KCNQ2: variants seen among roughly 807,000 people sequenced by gnomAD.
The protein encoded by KCNQ2 is potassium voltage-gated channel subfamily KQT member 2.
A neutral mutation model predicts 84.8 loss-of-function variants in KCNQ2; 14 were observed. The ratio of observed to expected loss-of-function variants is 0.17; its 90% confidence interval spans 0.11 to 0.26. The LOEUF is 0.26. KCNQ2 is among the 10% of genes least tolerant of loss of function. The pLI is 1.00. For missense variants in KCNQ2, 788 were observed against 1,254.0 expected, an observed-to-expected ratio of 0.63 and a Z score of 5.61; for synonymous variants, 599 against 554.1, an observed-to-expected ratio of 1.08 and a Z score of -1.14.
chr20:63,412,822 G>A (rs532805788), intron 15 of KCNQ2, among the ~76,000 whole-genome samples: 11 of 152,220 alleles, frequency 7.2e-5, no homozygotes, highest in African/African-American at 1.7e-4. Context: ...CTCAACAGCC[G>A]TGTGTCCCCA....
Position 63,403,175 on chromosome 20 carries a change from C to A in KCNQ2, c.*3469G>T, listed in dbSNP as rs1378700343. Reference sequence around the variant, plus strand: ...CAGGCTGTGGGAGGGAAGGGCAGCACGAGACCCTGATTGGGCTCTGCCTGG... The same window carrying A: ...CAGGCTGTGGGAGGGAAGGGCAGCAAGAGACCCTGATTGGGCTCTGCCTGG... On this transcript the variant is annotated 3_prime_UTR_variant, in exon 17 of 17. Coordinates refer to ENST00000359125, the MANE Select transcript of KCNQ2 (RefSeq NM_172107.4). The A allele has an allele frequency of 6.6e-6, 1 of 152,362 alleles. No homozygotes were observed. The allele number at this position is 152,362 out of a possible 1,614,324, so 9.4% of individuals were successfully genotyped here.
In KCNQ2 at chr20:63,460,575, C is replaced by T. The variant is rs1261539481; in HGVS notation, c.296+11593G>A. Among the ~76,000 whole-genome samples the T allele has an allele frequency of 9.2e-5, 14 of 152,118 alleles. No homozygotes were observed. Among genetic ancestry groups the T allele is most frequent in the Non-Finnish European group, 1.8e-4 (12 of 68,014 alleles). On this transcript the variant is annotated intron_variant, in intron 1 of 16. Coordinates refer to ENST00000359125, the MANE Select transcript of KCNQ2 (RefSeq NM_172107.4). The surrounding 1 kb of genome is among the most constrained non-coding windows in gnomAD (Gnocchi z 5.4). ...AAACGTCCTAGTGAGTGCTCTCTCT[C>T]GGCCTCCACTTGCACACCTCCGGCG...
rs995305162 is a variant in KCNQ2, at chr20:63,460,450, C to A, written c.296+11718G>T. ...GACCGAGGCTCCCAGCAGGCCTTCC[C>A]CCCCACAGCCCCCTGAGACAGCCAC... is the stretch of plus-strand genomic sequence containing the variant. On this transcript the variant is annotated intron_variant, in intron 1 of 16. Coordinates refer to ENST00000359125, the MANE Select transcript of KCNQ2 (RefSeq NM_172107.4). The surrounding 1 kb of genome is among the most constrained non-coding windows in gnomAD (Gnocchi z 5.4). 6.6e-6 allele frequency among the ~76,000 whole-genome samples: 1 copy of A among 152,036 alleles called. No individual in the cohort carries two copies. The highest frequency in any genetic ancestry group is 1.5e-5 in the Non-Finnish European group (1 of 67,984).
intron 1 of KCNQ2, among the ~76,000 whole-genome samples, chr20:63,465,905 CGT>C (rs1600863555): frequency 6.6e-6 from 1 of 152,218 alleles, no homozygotes; most frequent in African/African-American, 2.4e-5. Flanking sequence ...TGGCTGGGCG[CGT>C]GTCGGTGCTG....
intron 4 of KCNQ2, among the ~76,000 whole-genome samples, chr20:63,443,090 T>C (rs1329721412): frequency 7.9e-4 from 9 of 11,348 alleles, no homozygotes; most frequent in Non-Finnish European, 1.0e-3. Context: ...ACCACCATTA[T>C]CACCACCATC....
intron 1 of KCNQ2, among the ~76,000 whole-genome samples, chr20:63,461,696 GAGGAGGAGGCTGTACCTACCCCGGGC>G (rs2081951373): frequency 6.7e-6 from 1 of 149,690 alleles, no homozygotes; most frequent in Non-Finnish European, 1.5e-5. Flanking sequence ...GGGCAGCAGG[GAGGAGGAGGCTGTACCTACCCCGGGC>G]AGCAGGCAGG....
At chr20:63,468,335 G>C (rs911175341) in intron 1 of KCNQ2, among the ~76,000 whole-genome samples, 1 of 152,174 alleles carries the variant, frequency 6.6e-6, no homozygotes. Flanking sequence ...CCCTGGTCCT[G>C]CCAGGGCCCC....
intron 1 of KCNQ2, among the ~76,000 whole-genome samples, chr20:63,453,525 G>A (rs1271371255): frequency 6.6e-6 from 1 of 152,246 alleles, no homozygotes; most frequent in Non-Finnish European, 1.5e-5. Context: ...TGAACTCTCA[G>A]CGGGGTAGGA....
At chr20:63,461,684 C>T (rs1266154024) in intron 1 of KCNQ2, among the ~76,000 whole-genome samples, 2 of 150,870 alleles carry the variant, frequency 1.3e-5, no homozygotes, top group Non-Finnish European at 1.5e-5. Context: ...TGCACCTACC[C>T]CGGGCAGCAG....
At chr20:63,458,143 G>A (rs1207601098) in intron 1 of KCNQ2, among the ~76,000 whole-genome samples, 1 of 151,882 alleles carries the variant, frequency 6.6e-6, no homozygotes, top group Non-Finnish European at 1.5e-5. Flanking sequence ...GGGTCCCCTG[G>A]ACTTTACTCT....
intron 8 of KCNQ2, among the ~76,000 whole-genome samples, chr20:63,431,759 G>A (rs890687165): frequency 6.6e-6 from 1 of 152,180 alleles, no homozygotes; most frequent in Non-Finnish European, 1.5e-5. Context: ...ACTGCCGCGG[G>A]TCTGTCCACC....
chr20:63,406,275 G>T lies in KCNQ2; in HGVS notation c.*369C>A. 12 of 253,890 alleles carry T rather than the reference G, an allele frequency of 4.7e-5. 1 individual carries two copies. In the South Asian group the frequency reaches 7.4e-4, roughly 16 times the overall value. 15.7% of individuals were successfully genotyped at this position (253,890 alleles called of 1,614,324 possible). ...GGCCTGCCCTTTGTGCCTCCCCTGG[G>T]CTCGGCTGAGACAACCCCCCGCCTG... On this transcript the variant is annotated 3_prime_UTR_variant, in exon 17 of 17. Coordinates refer to ENST00000359125, the MANE Select transcript of KCNQ2 (RefSeq NM_172107.4).
At chr20:63,452,231 C>G (rs2081635000) in intron 1 of KCNQ2, among the ~76,000 whole-genome samples, 1 of 152,248 alleles carries the variant, frequency 6.6e-6, no homozygotes, top group Admixed American at 6.5e-5. Flanking sequence ...CTAGCGTGAG[C>G]CCAAGTTCAG....
At chr20:63,423,998 G>A in intron 11 of KCNQ2, 179 bp downstream of exon 11, 1 of 661,922 alleles carries the variant, frequency 1.5e-6, no homozygotes, top group Middle Eastern at 2.5e-4. Context: ...TGAGCAGGAA[G>A]AGTGATTTAA....
At chr20:63,411,911 C>G (rs1035250270) in intron 15 of KCNQ2, 10 of 711,786 alleles carry the variant, frequency 1.4e-5, no homozygotes, top group Non-Finnish European at 2.3e-5. Flanking sequence ...AAAGAGACAC[C>G]GGCGAAACGC....
intron 7 of KCNQ2, chr20:63,434,322 C>T (rs2080923787): frequency 1.0e-5 from 2 of 199,318 alleles, no homozygotes; most frequent in East Asian, 2.5e-4. Flanking sequence ...GGACCTCAGC[C>T]TCCAACCTCC....
intron 15 of KCNQ2, among the ~76,000 whole-genome samples, chr20:63,410,397 G>A (rs1298135925): frequency 6.6e-6 from 1 of 152,298 alleles, no homozygotes; most frequent in East Asian, 1.9e-4. Flanking sequence ...TCAGTGCCCC[G>A]TGAGGTGGGG....
chr20:63,443,406 C>CCAT (rs2081310828), intron 4 of KCNQ2, among the ~76,000 whole-genome samples: 2 of 5,646 alleles, frequency 3.5e-4, no homozygotes, highest in South Asian at 7.6e-3. Context: ...ACCATCACCA[C>CCAT]CATCACCATC....
chr20:63,453,191 C>T (rs1315965075), intron 1 of KCNQ2, among the ~76,000 whole-genome samples: 1 of 152,228 alleles, frequency 6.6e-6, no homozygotes, highest in Non-Finnish European at 1.5e-5. Flanking sequence ...CAGTCCTCCG[C>T]CCGCCGCCAC....
Sources: gnomAD v4.1 joint callset for allele counts (sites outside exome capture counted in the v4.1 genomes callset) on GRCh38, gnomAD v4.1.1 for gene constraint, Gnocchi (gnomAD v3.1) non-coding constraint, MANE v1.5 for transcripts, NCBI Gene and HGNC (gene_info 2026-07-23, HGNC 2026-07-21) for gene names.